STKLD1: variants seen among roughly 807,000 people sequenced by gnomAD.
STKLD1 encodes serine/threonine kinase like domain containing 1.
A neutral mutation model predicts 80.4 loss-of-function variants in STKLD1; 79 were observed. That is an observed-to-expected ratio of 0.98 (90% CI 0.82 to 1.19). The LOEUF is 1.19. Ranked by LOEUF, STKLD1 falls within the 50% of genes most tolerant of loss-of-function variation. STKLD1 has a pLI of 0.00. For synonymous variants in STKLD1, 393 were observed against 357.6 expected (o/e 1.10, Z -1.12); for missense variants, 841 against 856.0 (o/e 0.98, Z 0.22).
rs1051083887 is a variant in STKLD1, at chr9:133,376,383, C to T, written c.-91C>T. The T allele has an allele frequency of 6.3e-6, 9 of 1,419,804 alleles. No homozygotes were observed. Among genetic ancestry groups the T allele is most frequent in the East Asian group, 6.0e-5 (2 of 33,294 alleles). 88.0% of individuals were successfully genotyped at this position (1,419,804 alleles called of 1,614,324 possible). ...GGACGCCTGAGTGCCTCGAGGGCGC[C>T]GTTCGGGCGGGGAGGATCCCGCGGG... On this transcript the variant is annotated 5_prime_UTR_variant, in exon 1 of 18. Transcript: ENST00000371957.
In STKLD1 at chr9:133,379,106, A is replaced by T; in HGVS notation, c.158A>T (p.Lys53Met). The T allele has an allele frequency of 6.2e-7, 1 of 1,614,008 alleles. No individual in the cohort carries two copies. The highest frequency in any genetic ancestry group is 8.5e-7 in the Non-Finnish European group (1 of 1,179,940). ...GTGGAGGAAATGGAAACCAAAGTCA[A>T]GCATGTGATAAAGCAGGTAAGAGGC... The part of the protein sequence containing the change: ...LVVEEMETKV[K>M]HVIKQVECMD... Residue 53 changes from lysine to methionine, a missense_variant, in exon 2 of 18, where the codon AAG becomes ATG. Transcript: ENST00000371957.
Position 133,387,478 on chromosome 9 carries a change from A to G in STKLD1, c.326A>G (p.Glu109Gly), listed in dbSNP as rs2130279669. The G allele has an allele frequency of 6.2e-7, 1 of 1,613,992 alleles. No individual in the cohort carries two copies. The highest frequency in any genetic ancestry group is 2.2e-5 in the East Asian group (1 of 44,862). The change falls in exon 5 of 18, where the codon GAG becomes GGG. Residue 109 changes from glutamate to glycine, a missense_variant. By Grantham distance (98) the Glu-to-Gly change is moderately conservative. Coordinates refer to ENST00000371957, the MANE Select transcript of STKLD1 (RefSeq NM_153710.5). ...ISSLYLCLVM[E>G]FNELSFQEVI... Reference sequence around the variant, plus strand: ...TCTCTGTACCTCTGCCTGGTGATGGAGTTCAATGAGCTCAGCTTCCAGGAG... The same window carrying G: ...TCTCTGTACCTCTGCCTGGTGATGGGGTTCAATGAGCTCAGCTTCCAGGAG...
At chr9:133,387,594 GAC>G (rs2130280165) in intron 5 of STKLD1, 46 bp downstream of exon 5, 4 of 1,491,492 alleles carry the variant, frequency 2.7e-6, no homozygotes, top group Non-Finnish European at 3.7e-6. Flanking sequence ...CTAGACCTGT[GAC>G]ACAGGCCCTG....
Position 133,389,593 on chromosome 9 carries a change from A to C in STKLD1, c.464A>C (p.His155Pro), listed in dbSNP as rs2130284593. Residue 155 changes from histidine to proline, a missense_variant, in exon 6 of 18, where the codon CAC becomes CCC. Transcript: ENST00000371957. This position sits in a 1 kb window ranked among gnomAD's most constrained non-coding sequence, Gnocchi z 6.4. ...TACCTGCACCATTTGGACATCATCC[A>C]CAGGTAAGTGGGGCCCCTGACCTCT... ...LEYLHHLDII[H>P]RNLKPSNIIL... The C allele has an allele frequency of 1.2e-6, 2 of 1,613,356 alleles. No individual in the cohort carries two copies. Among genetic ancestry groups the C allele is most frequent in the Admixed American group, 1.7e-5 (1 of 59,986 alleles).
In STKLD1 at chr9:133,384,826, T is replaced by C. The variant is rs903395150; in HGVS notation, c.220-791T>C. 1 of 152,250 alleles carries C rather than the reference T, an allele frequency of 6.6e-6. No homozygotes were observed. The highest frequency in any genetic ancestry group is 1.5e-5 in the Non-Finnish European group (1 of 68,044). The allele number at this position is 152,250 out of a possible 1,614,324, so 9.4% of individuals were successfully genotyped here. ...CGATAACAGCTGCACTTCGGTTTGA[T>C]TGGCAAAGCCTCCGAGTAGCCTTTC... is the stretch of plus-strand genomic sequence containing the variant. On this transcript the variant is annotated intron_variant, in intron 3 of 17. Coordinates refer to ENST00000371957, the MANE Select transcript of STKLD1 (RefSeq NM_153710.5). This position sits in a 1 kb window ranked among gnomAD's most constrained non-coding sequence, Gnocchi z 4.3.
chr9:133,383,439 TG>T (rs1838196453), intron 2 of STKLD1, among the ~76,000 whole-genome samples: 1 of 104,456 alleles, frequency 9.6e-6, no homozygotes, highest in African/African-American at 3.1e-5. Context: ...ATGATAGTGG[TG>T]ATGGTGGTGG....
intron 2 of STKLD1, among the ~76,000 whole-genome samples, chr9:133,383,362 ATGGCAGTGATGATGGTAATGATGG>A: frequency 1.3e-5 from 1 of 78,766 alleles, no homozygotes; most frequent in Non-Finnish European, 2.5e-5. Context: ...AATGATGGTG[ATGGCAGTGATGATGGTAATGATGG>A]TAATGATGGT....
At chr9:133,382,128 C>T (rs1394617224) in intron 2 of STKLD1, among the ~76,000 whole-genome samples, 3 of 152,172 alleles carry the variant, frequency 2.0e-5, no homozygotes, top group Non-Finnish European at 2.9e-5. Flanking sequence ...CACCTCCACC[C>T]GGAGAGGGCA....
At position 133,389,338 on chromosome 9, in the gene STKLD1, G is replaced by A. The variant is rs1249512173; in HGVS notation, c.397-188G>A. ...ACTCAGAGTCCTTCTGGCTGCCGCC[G>A]CGGCTTTACCATCTGGAGAGCCACC... On this transcript the variant is annotated intron_variant, in intron 5 of 17. Transcript: ENST00000371957. This position sits in a 1 kb window ranked among gnomAD's most constrained non-coding sequence, Gnocchi z 6.4. The A allele has an allele frequency of 7.1e-6, 7 of 985,342 alleles. No individual in the cohort carries two copies. The highest frequency in any genetic ancestry group is 1.0e-3 in the Middle Eastern group (2 of 1,914). The allele number at this position is 985,342 out of a possible 1,614,324, so 61.0% of individuals were successfully genotyped here.
chr9:133,388,560 AATG>A (rs1838314911), intron 5 of STKLD1, among the ~76,000 whole-genome samples: 1 of 152,090 alleles, frequency 6.6e-6, no homozygotes. Context: ...TCACTTTCTT[AATG>A]ATGTCTTTTG....
chr9:133,398,549 C>T (rs1255515710), intron 11 of STKLD1, among the ~76,000 whole-genome samples: 3 of 152,140 alleles, frequency 2.0e-5, no homozygotes, highest in Non-Finnish European at 2.9e-5. Context: ...GAAGCCAAGG[C>T]GGGAGGACTG....
chr9:133,387,374 C>A, intron 4 of STKLD1, 73 bp from the exon 5 acceptor site: 1 of 1,234,842 alleles, frequency 8.1e-7, no homozygotes, highest in Non-Finnish European at 1.2e-6. Context: ...CGCAGGGAGG[C>A]CCTGGAGCAG....
chr9:133,379,203 G>C, intron 2 of STKLD1, 81 bp downstream of exon 2: 3 of 1,243,008 alleles, frequency 2.4e-6, no homozygotes, highest in Non-Finnish European at 3.4e-6. Context: ...TCCCATGTTG[G>C]AGAAGCTTCC....
intron 11 of STKLD1, among the ~76,000 whole-genome samples, chr9:133,398,612 C>A (rs1554777063): frequency 6.6e-6 from 1 of 152,088 alleles, no homozygotes. Context: ...GAGCCCATTT[C>A]TACAAAAAAT....
At chr9:133,383,633 G>A (rs1248486122) in intron 2 of STKLD1, among the ~76,000 whole-genome samples, 2 of 77,168 alleles carry the variant, frequency 2.6e-5, no homozygotes, top group Admixed American at 1.4e-4. Context: ...AGTGGTGGTG[G>A]TGTGATGATG....
intron 4 of STKLD1, among the ~76,000 whole-genome samples, chr9:133,386,402 T>G (rs1404444527): frequency 6.6e-6 from 1 of 152,214 alleles, no homozygotes; most frequent in East Asian, 1.9e-4. Flanking sequence ...GACAGAGTTT[T>G]TACTTTCATG....
rs1188078272 is a variant in STKLD1, at chr9:133,390,237, ACACACACACACAC to A, written c.468-443_468-431del. Reference sequence around the variant, plus strand: ...CACACACACACACACACACACACACACACACACACACACACCACGCAGACCATACGTACAAAGG... The same window carrying A: ...CACACACACACACACACACACACACAACCACGCAGACCATACGTACAAAGG... On this transcript the variant is annotated intron_variant, in intron 6 of 17. Coordinates refer to ENST00000371957, the MANE Select transcript of STKLD1 (RefSeq NM_153710.5). This position sits in a 1 kb window ranked among gnomAD's most constrained non-coding sequence, Gnocchi z 5.1. 1.2e-3 allele frequency among the ~76,000 whole-genome samples: 163 copies of A among 141,068 alleles called. No individual in the cohort carries two copies. Among genetic ancestry groups the A allele is most frequent in the African/African-American group, 4.3e-3 (153 of 35,766 alleles). The allele number at this position is 141,068 out of a possible 152,430, so 92.5% of individuals were successfully genotyped here.
At chr9:133,400,614 G>C (rs1006303243) in intron 12 of STKLD1, 85 bp downstream of exon 12, 1 of 1,124,632 alleles carries the variant, frequency 8.9e-7, no homozygotes, top group Non-Finnish European at 1.3e-6. Context: ...GGTGGGCACC[G>C]GGCCGGGTGG....
At position 133,390,283 on chromosome 9, in the gene STKLD1, C is replaced by T. The variant is rs1838360652; in HGVS notation, c.468-398C>T. ...AGACCATACGTACAAAGGGAATGCT[C>T]ACATTCCACATCCAGTGTTCATGTC... On this transcript the variant is annotated intron_variant, in intron 6 of 17. Coordinates refer to ENST00000371957, the MANE Select transcript of STKLD1 (RefSeq NM_153710.5). This position sits in a 1 kb window ranked among gnomAD's most constrained non-coding sequence, Gnocchi z 5.1. 6.6e-6 allele frequency among the ~76,000 whole-genome samples: 1 copy of T among 151,414 alleles called. No individual in the cohort carries two copies. Among genetic ancestry groups the T allele is most frequent in the Non-Finnish European group, 1.5e-5 (1 of 67,972 alleles).
Sources: gnomAD v4.1 joint callset for allele counts (sites outside exome capture counted in the v4.1 genomes callset) on GRCh38, gnomAD v4.1.1 for gene constraint, Gnocchi (gnomAD v3.1) non-coding constraint, MANE v1.5 for transcripts, NCBI Gene and HGNC (gene_info 2026-07-23, HGNC 2026-07-21) for gene names.